The following CRPPA variants were observed in gnomAD, a reference collection of about 807,000 sequenced individuals.
CRPPA encodes CDP-L-ribitol pyrophosphorylase A.
A neutral mutation model predicts 52.0 loss-of-function variants in CRPPA; 43 were observed. The ratio of observed to expected loss-of-function variants is 0.83; its 90% confidence interval spans 0.65 to 1.07. The LOEUF (loss-of-function observed/expected upper bound fraction) is 1.07. Ranked by LOEUF, CRPPA falls within the 50% of genes least tolerant of loss-of-function variation. CRPPA has a pLI of 0.00. For synonymous variants in CRPPA, 250 were observed against 203.5 expected, an observed-to-expected ratio of 1.23 and a Z score of -1.94; for missense variants, 629 against 551.7, an observed-to-expected ratio of 1.14 and a Z score of -1.40.
At chr7:16,297,130 A>T (rs1385726182) in intron 5 of CRPPA, among the ~76,000 whole-genome samples, 1 of 152,176 alleles carries the variant, frequency 6.6e-6, no homozygotes, top group Non-Finnish European at 1.5e-5. Context: ...GACAATGTAG[A>T]CCTGAGCTTA....
intron 1 of CRPPA, among the ~76,000 whole-genome samples, chr7:16,413,206 G>A (rs1051414651): frequency 2.6e-5 from 4 of 152,174 alleles, no homozygotes; most frequent in African/African-American, 7.2e-5. Flanking sequence ...CTGGCATGAT[G>A]GGGCTGAATC....
intron 1 of CRPPA, among the ~76,000 whole-genome samples, chr7:16,408,108 TA>T (rs912306940): frequency 0.017 from 2,378 of 138,452 alleles, 66 homozygotes; most frequent in African/African-American, 0.057. Flanking sequence ...ACTCTGTCTT[TA>T]AAAAAAAAAA....
intron 8 of CRPPA, among the ~76,000 whole-genome samples, chr7:16,243,212 T>C (rs1264961939): frequency 6.6e-6 from 1 of 152,220 alleles, no homozygotes; most frequent in Non-Finnish European, 1.5e-5. Context: ...CATTCTTCTC[T>C]CACCTGTCGC....
intron 9 of CRPPA, among the ~76,000 whole-genome samples, chr7:16,161,376 G>A (rs1329586895): frequency 6.6e-6 from 1 of 152,138 alleles, no homozygotes; most frequent in African/African-American, 2.4e-5. Flanking sequence ...CTAGTTTATT[G>A]AGTGTTTCTA....
intron 9 of CRPPA, among the ~76,000 whole-genome samples, chr7:16,209,508 G>A (rs1195235160): frequency 1.3e-5 from 2 of 152,108 alleles, no homozygotes; most frequent in Non-Finnish European, 2.9e-5. Context: ...CTGACCTCAG[G>A]TGATCTGCAA....
chr7:16,352,106 C>G (rs1786170327), intron 3 of CRPPA, among the ~76,000 whole-genome samples: 1 of 152,098 alleles, frequency 6.6e-6, no homozygotes, highest in Non-Finnish European at 1.5e-5. Flanking sequence ...AGTTCATGTC[C>G]TTTGCAGGGA....
chr7:16,187,709 C>G (rs1781533699), intron 9 of CRPPA, among the ~76,000 whole-genome samples: 1 of 152,040 alleles, frequency 6.6e-6, no homozygotes, highest in Non-Finnish European at 1.5e-5. Flanking sequence ...TAGATCCAAA[C>G]TCAAATTTGG....
At chr7:16,318,099 A>T (rs1291432859) in intron 3 of CRPPA, among the ~76,000 whole-genome samples, 2 of 152,000 alleles carry the variant, frequency 1.3e-5, no homozygotes, top group Non-Finnish European at 2.9e-5. Flanking sequence ...ACTTTCTCCT[A>T]ACCTAGCCCT....
Position 16,099,143 on chromosome 7 carries a change from C to T in CRPPA, c.1252-7344G>A, listed in dbSNP as rs79284762. 5.3e-5 allele frequency among the ~76,000 whole-genome samples: 8 copies of T among 151,638 alleles called. No individual in the cohort carries two copies. The South Asian group carries it at 8.3e-4, about 16-fold the overall frequency. ...TGGCTCAAGCCTGTAGTTCCTGCTA[C>T]GAAGGTGGCTGAGTGGGGAGGATCA... On this transcript the variant is annotated intron_variant, in intron 9 of 9. Transcript: ENST00000407010.
intron 8 of CRPPA, among the ~76,000 whole-genome samples, chr7:16,236,851 G>T (rs1455645706): frequency 6.6e-6 from 1 of 151,948 alleles, no homozygotes; most frequent in East Asian, 1.9e-4. Context: ...ATTTTAAATT[G>T]TGTCTATCCC....
rs34666735 is a variant in CRPPA at position 16,302,295 on chromosome 7, C to CAAAAAAA, written c.790-836_790-830dup. On this transcript the variant is annotated intron_variant, in intron 4 of 9. Coordinates refer to ENST00000407010, the MANE Select transcript of CRPPA (RefSeq NM_001101426.4). Reference sequence around the variant, plus strand: ...TGGGCTACAGAGCGAGACTCTGTCTCAAAAAAAAAAAAAAAAAAAAAAAAA... The same window carrying CAAAAAAA: ...TGGGCTACAGAGCGAGACTCTGTCTCAAAAAAAAAAAAAAAAAAAAAAAAAAAAAAAA... Among the ~76,000 whole-genome samples the CAAAAAAA allele has an allele frequency of 5.8e-4, 31 of 53,372 alleles. 3 individuals carry two copies. Among genetic ancestry groups the CAAAAAAA allele is most frequent in the African/African-American group, 2.2e-3 (29 of 12,890 alleles). 35.0% of individuals were successfully genotyped at this position (53,372 alleles called of 152,430 possible).
intron 3 of CRPPA, among the ~76,000 whole-genome samples, chr7:16,326,812 A>T (rs1325495718): frequency 6.6e-6 from 1 of 152,130 alleles, no homozygotes; most frequent in African/African-American, 2.4e-5. Flanking sequence ...TGTATAGCAA[A>T]AAGGTACAAC....
rs185241772 is a variant in CRPPA at position 16,398,731 on chromosome 7, C to T, written c.534+7330G>A. ...CAACACGTGGGTGACACGTGACCAA[C>T]ACTTAACCAATGCCTGACATGTGAC... On this transcript the variant is annotated intron_variant, in intron 2 of 9. Coordinates refer to ENST00000407010, the MANE Select transcript of CRPPA (RefSeq NM_001101426.4). Among the ~76,000 whole-genome samples, 490 of 152,268 alleles carry T rather than the reference C, an allele frequency of 3.2e-3. 2 individuals are homozygous for T. Among genetic ancestry groups the T allele is most frequent in the African/African-American group, 0.011 (442 of 41,560 alleles).
At chr7:16,136,263 G>C (rs1782760228) in intron 9 of CRPPA, among the ~76,000 whole-genome samples, 1 of 151,982 alleles carries the variant, frequency 6.6e-6, no homozygotes, top group African/African-American at 2.4e-5. Flanking sequence ...ATCCATTCAA[G>C]GTATTTAAAT....
intron 9 of CRPPA, among the ~76,000 whole-genome samples, chr7:16,202,796 A>G (rs1781888670): frequency 6.6e-6 from 1 of 152,176 alleles, no homozygotes; most frequent in Middle Eastern, 3.2e-3. Flanking sequence ...TTTGTGAAAA[A>G]GACAATTTTG....
intron 3 of CRPPA, among the ~76,000 whole-genome samples, chr7:16,309,034 C>A (rs1784978473): frequency 6.6e-6 from 1 of 152,022 alleles, no homozygotes; most frequent in Non-Finnish European, 1.5e-5. Context: ...AATCTCATAT[C>A]TTGTATTTAT....
chr7:16,185,928 C>T (rs1437696246), intron 9 of CRPPA, among the ~76,000 whole-genome samples: 1 of 152,140 alleles, frequency 6.6e-6, no homozygotes, highest in African/African-American at 2.4e-5. Context: ...CAGAAATAAA[C>T]ACACATAAGC....
At chr7:16,233,183 A>G (rs1782854050) in intron 8 of CRPPA, among the ~76,000 whole-genome samples, 1 of 152,128 alleles carries the variant, frequency 6.6e-6, no homozygotes. Context: ...TAAACAGACC[A>G]CCAGTGAGAT....
Position 16,287,782 on chromosome 7 carries a change from C to A in CRPPA, c.836-9556G>T, listed in dbSNP as rs144556602. On this transcript the variant is annotated intron_variant, in intron 5 of 9. Coordinates refer to ENST00000407010, the MANE Select transcript of CRPPA (RefSeq NM_001101426.4). ...ACTAAAAATACAGAAATTAGCTGAG[C>A]GTGGTGGTGTGTGCCTGTAATTCCA... is the stretch of plus-strand genomic sequence containing the variant. Among the ~76,000 whole-genome samples, 39 of 151,994 alleles carry A rather than the reference C, an allele frequency of 2.6e-4. 1 individual carries two copies. Among genetic ancestry groups the A allele is most frequent in the African/African-American group, 9.4e-4 (39 of 41,464 alleles).
Sources: gnomAD v4.1 joint callset for allele counts (sites outside exome capture counted in the v4.1 genomes callset) on GRCh38, gnomAD v4.1.1 for gene constraint, MANE v1.5 for transcripts, NCBI Gene and HGNC (gene_info 2026-07-23, HGNC 2026-07-21) for gene names.